The following ADAMTS3 variants were observed in gnomAD, a reference collection of about 807,000 sequenced individuals.
ADAMTS3 encodes the protein A disintegrin and metalloproteinase with thrombospondin motifs 3.
In ADAMTS3, 73 loss-of-function variants were observed where a neutral mutation model predicts 129.0. That is an observed-to-expected ratio of 0.57 (90% CI 0.47 to 0.69). The LOEUF is 0.69. Ranked by LOEUF, ADAMTS3 falls within the 30% of genes least tolerant of loss-of-function variation. The probability of loss-of-function intolerance (pLI) is 0.00; values close to 1 mark genes in which losing one functional copy is unlikely to be tolerated. For missense variants in ADAMTS3, 1,457 were observed against 1,514.5 expected (o/e 0.96, Z 0.63); for synonymous variants, 477 against 510.8 (o/e 0.93, Z 0.89).
chr4:72,431,738 T>C (rs1722702395), intron 3 of ADAMTS3, among the ~76,000 whole-genome samples: 2 of 151,910 alleles, frequency 1.3e-5, no homozygotes, highest in Non-Finnish European at 2.9e-5. Context: ...TACATAGTGA[T>C]AAGTATCATG....
At chr4:72,369,731 G>GAA (rs777322503) in intron 4 of ADAMTS3, among the ~76,000 whole-genome samples, 3 of 96,498 alleles carry the variant, frequency 3.1e-5, no homozygotes, top group African/African-American at 1.2e-4. Flanking sequence ...AAATAAAAAT[G>GAA]AAAAAAAAAA....
chr4:72,396,070 G>C (rs572292578), intron 4 of ADAMTS3, among the ~76,000 whole-genome samples: 1 of 152,238 alleles, frequency 6.6e-6, no homozygotes, highest in South Asian at 2.1e-4. Context: ...ACTGGATAAG[G>C]GTTGTGAAAA....
chr4:72,337,666 T>C (rs1170895518), intron 5 of ADAMTS3, among the ~76,000 whole-genome samples: 1 of 152,164 alleles, frequency 6.6e-6, no homozygotes, highest in African/African-American at 2.4e-5. Context: ...TAAGTCCCAA[T>C]TTAATACTTT....
chr4:72,532,885 T>C (rs1403145947), intron 3 of ADAMTS3, among the ~76,000 whole-genome samples: 1 of 152,194 alleles, frequency 6.6e-6, no homozygotes, highest in Non-Finnish European at 1.5e-5. Flanking sequence ...TAGGGCACTA[T>C]ATGGAGCTTG....
rs181983020 is a variant in ADAMTS3, at chr4:72,515,195, A to T, written c.504+33283T>A. On this transcript the variant is annotated intron_variant, in intron 3 of 21. Coordinates refer to ENST00000286657, the MANE Select transcript of ADAMTS3 (RefSeq NM_014243.3). ...CTTTTTTATGGCTGCATAGCATTCCATGGTGTATATGTGCCACATTTTCTT... is the reference window on the plus strand; with the variant it reads ...CTTTTTTATGGCTGCATAGCATTCCTTGGTGTATATGTGCCACATTTTCTT... Among the ~76,000 whole-genome samples the T allele has an allele frequency of 5.8e-3, 881 of 152,264 alleles. 2 individuals carry two copies. The highest frequency in any genetic ancestry group is 0.02 in the African/African-American group (846 of 41,548).
At chr4:72,464,221 T>C (rs1259273250) in intron 3 of ADAMTS3, among the ~76,000 whole-genome samples, 1 of 151,956 alleles carries the variant, frequency 6.6e-6, no homozygotes, top group Admixed American at 6.6e-5. Context: ...CTGGCTGTTT[T>C]ATCAGAAAGA....
At chr4:72,477,586 G>C (rs1438989427) in intron 3 of ADAMTS3, among the ~76,000 whole-genome samples, 1 of 152,158 alleles carries the variant, frequency 6.6e-6, no homozygotes, top group East Asian at 1.9e-4. Context: ...ACAAGAGAAA[G>C]CAGGAAAGAT....
chr4:72,352,101 A>G (rs1720454962), intron 4 of ADAMTS3, among the ~76,000 whole-genome samples: 2 of 152,022 alleles, frequency 1.3e-5, no homozygotes, highest in African/African-American at 4.8e-5. Context: ...GATTTTAAAG[A>G]TTATATGTTT....
At chr4:72,375,519 C>T (rs1214630992) in intron 4 of ADAMTS3, among the ~76,000 whole-genome samples, 1 of 152,094 alleles carries the variant, frequency 6.6e-6, no homozygotes, top group East Asian at 1.9e-4. Context: ...AGAAAGTACT[C>T]GGTATTCTGA....
intron 3 of ADAMTS3, among the ~76,000 whole-genome samples, chr4:72,526,729 C>CACACAT (rs1720820293): frequency 2.4e-5 from 1 of 42,412 alleles, no homozygotes; most frequent in African/African-American, 1.0e-4. Flanking sequence ...AAAATATATA[C>CACACAT]ATACATATAT....
chr4:72,362,040 T>C (rs1720742572), intron 4 of ADAMTS3, among the ~76,000 whole-genome samples: 1 of 152,152 alleles, frequency 6.6e-6, no homozygotes, highest in Admixed American at 6.6e-5. Flanking sequence ...TTATTCTTTT[T>C]CTAATTTGGA....
chr4:72,289,004 T>C (rs950470430), intron 20 of ADAMTS3, 136 bp from the exon 21 acceptor site: 1 of 611,990 alleles, frequency 1.6e-6, no homozygotes, highest in Non-Finnish European at 2.9e-6. Flanking sequence ...CTCTATTAAG[T>C]AATGCTGCAC....
At chr4:72,437,781 A>C in intron 3 of ADAMTS3, among the ~76,000 whole-genome samples, 1 of 151,812 alleles carries the variant, frequency 6.6e-6, no homozygotes. Context: ...AAAGTAAACA[A>C]GAATTCTTTC....
rs182756713 is a variant in ADAMTS3 at position 72,562,724 on chromosome 4, G to C, written c.97+4650C>G. 3.3e-5 allele frequency among the ~76,000 whole-genome samples: 5 copies of C among 152,230 alleles called. No homozygotes were observed. The East Asian group carries it at 9.7e-4, about 29-fold the overall frequency. On this transcript the variant is annotated intron_variant, in intron 2 of 21. Transcript: ENST00000286657. Reference sequence around the variant, plus strand: ...AAGAATATAATTACAGTGGGCACTTGTAAGACATCAACAATCTGGGAAAAC... The same window carrying C: ...AAGAATATAATTACAGTGGGCACTTCTAAGACATCAACAATCTGGGAAAAC...
intron 3 of ADAMTS3, among the ~76,000 whole-genome samples, chr4:72,481,443 A>C (rs1412576548): frequency 1.3e-5 from 2 of 152,170 alleles, no homozygotes; most frequent in African/African-American, 4.8e-5. Flanking sequence ...GCAATTCAAT[A>C]AAAGAAAGAG....
intron 5 of ADAMTS3, 77 bp from the exon 6 acceptor site, chr4:72,323,174 A>G (rs1348320645): frequency 4.6e-6 from 5 of 1,077,682 alleles, no homozygotes; most frequent in Middle Eastern, 2.0e-4. Flanking sequence ...AAGCTGTGTA[A>G]TCACCACAAA....
chr4:72,448,329 G>A (rs1560518936), intron 3 of ADAMTS3, among the ~76,000 whole-genome samples: 3 of 151,686 alleles, frequency 2.0e-5, no homozygotes, highest in Admixed American at 1.3e-4. Flanking sequence ...TATTCACTTC[G>A]GATTCAGTAC....
chr4:72,518,586 A>G (rs1324394194), intron 3 of ADAMTS3, among the ~76,000 whole-genome samples: 3 of 152,076 alleles, frequency 2.0e-5, no homozygotes, highest in Non-Finnish European at 4.4e-5. Context: ...CTTTACCATT[A>G]TGTAATAGCC....
intron 20 of ADAMTS3, 98 bp from the exon 21 acceptor site, chr4:72,288,966 AC>A (rs1418690599): frequency 2.6e-6 from 2 of 755,308 alleles, no homozygotes; most frequent in Non-Finnish European, 4.6e-6. Flanking sequence ...ACACACACAC[AC>A]AAAGACACAG....
Sources: gnomAD v4.1 joint callset for allele counts (sites outside exome capture counted in the v4.1 genomes callset) on GRCh38, gnomAD v4.1.1 for gene constraint, MANE v1.5 for transcripts, NCBI Gene and HGNC (gene_info 2026-07-23, HGNC 2026-07-21) for gene names.